CAPS2: variants seen among roughly 807,000 people sequenced by gnomAD.
The protein encoded by CAPS2 is calcyphosin-2.
CAPS2 carries 98 observed loss-of-function variants against 86.5 expected under a neutral mutation model. That is an observed-to-expected ratio of 1.13 (90% CI 0.96 to 1.34). The LOEUF is 1.34. CAPS2 is among the 40% of genes most tolerant of loss of function. The probability of loss-of-function intolerance (pLI) is 0.00; values close to 1 mark genes in which losing one functional copy is unlikely to be tolerated. For missense variants in CAPS2, 729 were observed against 686.8 expected (o/e 1.06, Z -0.69); for synonymous variants, 210 against 225.1 (o/e 0.93, Z 0.60).
At chr12:75,283,314 C>T (rs1299371409) in intron 15 of CAPS2, among the ~76,000 whole-genome samples, 1 of 152,130 alleles carries the variant, frequency 6.6e-6, no homozygotes, top group Admixed American at 6.6e-5. Flanking sequence ...AGAATCAAGT[C>T]TGGTTATTCA....
chr12:75,320,340 C>G (rs1429381028), intron 5 of CAPS2, among the ~76,000 whole-genome samples: 1 of 152,058 alleles, frequency 6.6e-6, no homozygotes, highest in Non-Finnish European at 1.5e-5. Context: ...ACCTTCATTC[C>G]GTTTTCCCAA....
At chr12:75,292,973 T>C (rs1411660339) in intron 12 of CAPS2, among the ~76,000 whole-genome samples, 1 of 151,722 alleles carries the variant, frequency 6.6e-6, no homozygotes, top group East Asian at 1.9e-4. Flanking sequence ...TAATACTTGG[T>C]AAAATAAAAG....
chr12:75,326,600 A>G (rs1009278171), upstream of CAPS2: 1 of 716,174 alleles, frequency 1.4e-6, no homozygotes, highest in African/African-American at 1.8e-5. Flanking sequence ...CAAATTACCT[A>G]ACAAGTCTAC....
At chr12:75,370,908 C>A (rs1001563560) in intron 1 of CAPS2, among the ~76,000 whole-genome samples, 1 of 152,150 alleles carries the variant, frequency 6.6e-6, no homozygotes, top group Admixed American at 6.6e-5. Flanking sequence ...TTTTCAAAAT[C>A]ATCAATGCTG....
intron 1 of CAPS2, among the ~76,000 whole-genome samples, chr12:75,340,407 A>G (rs2139298855): frequency 6.6e-6 from 1 of 151,906 alleles, no homozygotes; most frequent in South Asian, 2.1e-4. Context: ...TAAGAAAAGA[A>G]AAAACTTTGA....
chr12:75,305,137 C>G (rs1213979558), intron 7 of CAPS2, among the ~76,000 whole-genome samples: 1 of 152,048 alleles, frequency 6.6e-6, no homozygotes, highest in African/African-American at 2.4e-5. Context: ...TTTTACTATT[C>G]TTTAAACAAG....
At position 75,304,955 on chromosome 12, in the gene CAPS2, TA is replaced by T. The variant is rs1425463450; in HGVS notation, c.660-80del. ...AAATTCACATATTTATAAGCAGTTC[TA>T]AAAGCTCATATACCAAATGCAAATT... is the stretch of plus-strand genomic sequence containing the variant. On this transcript the variant is annotated intron_variant, in intron 7 of 16. Coordinates refer to ENST00000393284, the Ensembl canonical transcript of CAPS2. 3.8e-6 allele frequency: 5 copies of T among 1,313,574 alleles called. No individual in the cohort carries two copies. In the African/African-American group the frequency reaches 7.3e-5, roughly 19 times the overall value. 81.4% of individuals were successfully genotyped at this position (1,313,574 alleles called of 1,614,324 possible).
At chr12:75,303,720 G>A (rs113180422) in intron 8 of CAPS2, among the ~76,000 whole-genome samples, 2,572 of 152,258 alleles carry the variant, frequency 0.017, 69 homozygotes, top group African/African-American at 0.052. Flanking sequence ...ACATTATATG[G>A]TAGAAGGGAC....
In CAPS2 at chr12:75,315,081, T is replaced by C. The variant is rs2039618010; in HGVS notation, c.591+1231A>G. 2.6e-5 allele frequency among the ~76,000 whole-genome samples: 4 copies of C among 152,198 alleles called. No individual in the cohort carries two copies. In the South Asian group the frequency reaches 8.3e-4, roughly 31 times the overall value. The stretch of plus-strand genomic sequence containing the variant: ...CAGATGCCCTGAAAGCTTACTCATG[T>C]AAACGTTTCCTTAGGGGAAGGAGGA... On this transcript the variant is annotated intron_variant, in intron 6 of 16. Coordinates refer to ENST00000393284, the Ensembl canonical transcript of CAPS2.
At chr12:75,290,739 G>T (rs1334642279) in intron 13 of CAPS2, among the ~76,000 whole-genome samples, 1 of 151,786 alleles carries the variant, frequency 6.6e-6, no homozygotes, top group Non-Finnish European at 1.5e-5. Context: ...AACATAGCAA[G>T]ACCCTGTCTC....
intron 1 of CAPS2, chr12:75,369,661 G>C (rs1300249277): frequency 1.0e-6 from 1 of 984,352 alleles, no homozygotes; most frequent in Non-Finnish European, 1.2e-6. Context: ...GACGTGAATT[G>C]GGAATGAAAG....
At chr12:75,370,393 CAT>C in intron 1 of CAPS2, 2 of 390,220 alleles carry the variant, frequency 5.1e-6, no homozygotes, top group Non-Finnish European at 4.6e-6. Context: ...ATTACAAATC[CAT>C]ATGTGTATCA....
Position 75,295,497 on chromosome 12 carries a change from A to G in CAPS2, c.1045-2130T>C, listed in dbSNP as rs751805473. On this transcript the variant is annotated intron_variant, in intron 11 of 16. Coordinates refer to ENST00000393284, the Ensembl canonical transcript of CAPS2. ...ATGTTCGCTTTGTCTTCATGTTTTCAATACAAAAATAGAGATATTAAAAAT... is the reference window on the plus strand; with the variant it reads ...ATGTTCGCTTTGTCTTCATGTTTTCGATACAAAAATAGAGATATTAAAAAT... 5.5e-4 allele frequency among the ~76,000 whole-genome samples: 84 copies of G among 152,372 alleles called. 1 individual carries two copies. Among genetic ancestry groups the G allele is most frequent in the Middle Eastern group, 3.4e-3 (1 of 294 alleles).
intron 12 of CAPS2, among the ~76,000 whole-genome samples, chr12:75,292,263 T>C (rs867140628): frequency 6.6e-6 from 1 of 152,028 alleles, no homozygotes; most frequent in African/African-American, 2.4e-5. Flanking sequence ...AGACGGGATT[T>C]CACCATGTTG....
chr12:75,306,075 G>A, intron 7 of CAPS2: 1 of 1,467,106 alleles, frequency 6.8e-7, no homozygotes, highest in Non-Finnish European at 9.4e-7. Context: ...CGTGCTGCGC[G>A]TCCTGGGGCT....
chr12:75,371,486 C>A, intron 1 of CAPS2: 1 of 357,596 alleles, frequency 2.8e-6, no homozygotes, highest in South Asian at 2.1e-5. Context: ...TTGCATCCTT[C>A]AATAAAGTTG....
At chr12:75,289,366 T>C (rs2035453482) in intron 14 of CAPS2, among the ~76,000 whole-genome samples, 1 of 152,176 alleles carries the variant, frequency 6.6e-6, no homozygotes, top group South Asian at 2.1e-4. Context: ...GTCCTTCAAT[T>C]ATGGTGATCT....
chr12:75,304,679 G>A (rs2038227274), intron 8 of CAPS2, 78 bp downstream of exon 8: 1 of 1,095,712 alleles, frequency 9.1e-7, no homozygotes. Flanking sequence ...AAAAGCTCCA[G>A]CTAGACACAG....
intron 1 of CAPS2, among the ~76,000 whole-genome samples, chr12:75,349,986 C>A (rs943496113): frequency 1.3e-5 from 2 of 152,234 alleles, no homozygotes; most frequent in Admixed American, 6.5e-5. Context: ...CCTAAGAAGA[C>A]CGGGTCCCGG....
Sources: allele counts gnomAD v4.1 joint callset (sites outside exome capture counted in the v4.1 genomes callset), GRCh38; gene constraint gnomAD v4.1.1; transcripts MANE v1.5; gene names NCBI Gene and HGNC (gene_info 2026-07-23, HGNC 2026-07-21).